Variants in UGT1A5 observed in about 807,000 individuals in gnomAD.
UGT1A5 encodes the protein UDP glucuronosyltransferase family 1 member A5.
Under a neutral mutation model 40.3 loss-of-function variants are expected in UGT1A5, and 29 were observed. The observed-to-expected ratio is 0.72, with a 90% CI of 0.54 to 0.98. The LOEUF (loss-of-function observed/expected upper bound fraction) is 0.98. UGT1A5 is among the 50% of genes least tolerant of loss of function. The pLI, the probability that UGT1A5 is intolerant of heterozygous loss-of-function variation, is 0.00. For synonymous variants in UGT1A5, 257 were observed against 262.5 expected (o/e 0.98, Z 0.20); for missense variants, 678 against 677.9 (o/e 1.00, Z 0.00).
intron 1 of UGT1A5, among the ~76,000 whole-genome samples, chr2:233,724,143 G>C: frequency 8.2e-6 from 1 of 122,326 alleles, no homozygotes; most frequent in African/African-American, 3.7e-5. Flanking sequence ...GGACGGGGCG[G>C]CTGGCCGGGT....
rs1217808254 is a variant in UGT1A5 at position 233,763,370 on chromosome 2, A to G, written c.868-3664A>G. On this transcript the variant is annotated intron_variant, in intron 1 of 4. Coordinates refer to ENST00000373414, the MANE Select transcript of UGT1A5 (RefSeq NM_019078.2). ...ACATCTTTAGTACTCCTTTGTCTTC[A>G]AGCTTTCTTCCTTTTTAAACAACAT... is the stretch of plus-strand genomic sequence containing the variant. Among the ~76,000 whole-genome samples the G allele has an allele frequency of 3.3e-5, 5 of 152,290 alleles. No homozygotes were observed. The East Asian group carries it at 9.6e-4, about 29-fold the overall frequency.
intron 1 of UGT1A5, among the ~76,000 whole-genome samples, chr2:233,742,109 C>T (rs544656761): frequency 8.6e-5 from 13 of 151,972 alleles, no homozygotes; most frequent in Admixed American, 7.8e-4. Context: ...ACTGCCAAGA[C>T]CAGCTTGGTC....
intron 1 of UGT1A5, among the ~76,000 whole-genome samples, chr2:233,757,380 C>T (rs980413878): frequency 1.3e-5 from 2 of 151,206 alleles, no homozygotes; most frequent in African/African-American, 4.9e-5. Context: ...CCAGATTCAG[C>T]ACTTACTTGC....
At chr2:233,760,002 C>T (rs1697301368) in intron 1 of UGT1A5, among the ~76,000 whole-genome samples, 1 of 152,194 alleles carries the variant, frequency 6.6e-6, no homozygotes, top group Admixed American at 6.5e-5. Flanking sequence ...TGTGGAAATA[C>T]TAATTTAATG....
intron 4 of UGT1A5, among the ~76,000 whole-genome samples, chr2:233,768,709 T>G (rs1699703660): frequency 6.6e-6 from 1 of 151,010 alleles, no homozygotes; most frequent in African/African-American, 2.4e-5. Context: ...TCAGCCTCCG[T>G]GTAGCTGGGA....
chr2:233,755,963 C>T (rs557149138), intron 1 of UGT1A5: 1 of 152,200 alleles, frequency 6.6e-6, no homozygotes, highest in South Asian at 2.1e-4. Flanking sequence ...GTACTTGGCT[C>T]TATAGAGAGG....
chr2:233,749,977 G>A (rs2221198), intron 1 of UGT1A5, among the ~76,000 whole-genome samples: 68,794 of 151,608 alleles, frequency 0.45, 16,248 homozygotes, highest in South Asian at 0.58. Flanking sequence ...ATAGCAGTGT[G>A]AGAATGGACT....
At chr2:233,747,247 C>T in intron 1 of UGT1A5, 1 of 1,601,894 alleles carries the variant, frequency 6.2e-7, no homozygotes, top group Non-Finnish European at 8.5e-7. Context: ...CCTGCTGTGG[C>T]TGGCCACAGG....
rs34946247 is a variant in UGT1A5 at position 233,761,682 on chromosome 2, A to G, written c.868-5352A>G. Among the ~76,000 whole-genome samples, 259 of 152,380 alleles carry G rather than the reference A, an allele frequency of 1.7e-3. 1 individual carries two copies. The highest frequency in any genetic ancestry group is 5.9e-3 in the African/African-American group (244 of 41,588). On this transcript the variant is annotated intron_variant, in intron 1 of 4. Coordinates refer to ENST00000373414, the MANE Select transcript of UGT1A5 (RefSeq NM_019078.2). Reference sequence around the variant, plus strand: ...AATCACCAGACAGTCAGGTTCTGACATGATACAGAAAGGTTGTAGGTTTCA... The same window carrying G: ...AATCACCAGACAGTCAGGTTCTGACGTGATACAGAAAGGTTGTAGGTTTCA...
At chr2:233,733,213 G>T (rs974647269) in intron 1 of UGT1A5, among the ~76,000 whole-genome samples, 1 of 152,158 alleles carries the variant, frequency 6.6e-6, no homozygotes, top group African/African-American at 2.4e-5. Flanking sequence ...TTTGGGCTGA[G>T]ACAATGGGGT....
intron 1 of UGT1A5, among the ~76,000 whole-genome samples, chr2:233,722,626 G>T (rs1272001840): frequency 1.3e-5 from 2 of 152,128 alleles, no homozygotes; most frequent in African/African-American, 4.8e-5. Context: ...TCTTAATGAA[G>T]CATTGAGGGC....
At chr2:233,766,428 A>G (rs1336103880) in intron 1 of UGT1A5, among the ~76,000 whole-genome samples, 1 of 152,116 alleles carries the variant, frequency 6.6e-6, no homozygotes, top group African/African-American at 2.4e-5. Context: ...CCCGATGTCC[A>G]GCTACCTGTG....
At chr2:233,743,092 C>A (rs1287220574) in intron 1 of UGT1A5, 2 of 346,770 alleles carry the variant, frequency 5.8e-6, no homozygotes, top group African/African-American at 2.2e-5. Flanking sequence ...TTTATAAATT[C>A]TTGGGTACAG....
chr2:233,718,833 C>T, intron 1 of UGT1A5: 2 of 1,613,592 alleles, frequency 1.2e-6, no homozygotes, highest in Non-Finnish European at 8.5e-7. Context: ...GGCCAGAGGA[C>T]TCCAGGTTCC....
At position 233,769,954 on chromosome 2, in the gene UGT1A5, T is replaced by G. The variant is rs1348335811; in HGVS notation, c.1307+1515T>G. 3 of 220,032 alleles carry G rather than the reference T, an allele frequency of 1.4e-5. No individual in the cohort carries two copies. The highest frequency in any genetic ancestry group is 2.3e-5 in the African/African-American group (1 of 44,160). The allele number at this position is 220,032 out of a possible 1,614,324, so 13.6% of individuals were successfully genotyped here. Reference sequence around the variant, plus strand: ...CCCATTCCTTCCTTCCAGCGGCTTCTTCTGGCCACCTCAATGTCAGGATGT... The same window carrying G: ...CCCATTCCTTCCTTCCAGCGGCTTCGTCTGGCCACCTCAATGTCAGGATGT... On this transcript the variant is annotated intron_variant, in intron 4 of 4. Coordinates refer to ENST00000373414, the MANE Select transcript of UGT1A5 (RefSeq NM_019078.2). This position sits in a 1 kb window ranked among gnomAD's most constrained non-coding sequence, Gnocchi z 4.4.
chr2:233,767,045 C>G lies in UGT1A5; in HGVS notation c.879C>G (p.Ala293=), dbSNP rs900263261. 1.9e-6 allele frequency: 3 copies of G among 1,614,006 alleles called. No homozygotes were observed. The African/African-American group carries it at 4.0e-5, about 22-fold the overall frequency. The change falls in exon 2 of 5, where the codon GCC becomes GCG. Residue 293 remains alanine, a synonymous_variant. Coordinates refer to ENST00000373414, the MANE Select transcript of UGT1A5 (RefSeq NM_019078.2). ...NGKPLSQEFE[A]YINASGEHGI... is the part of the protein sequence containing the mutation. ...TCTTCTGGCTCTAGGAATTTGAAGC[C>G]TACATTAATGCTTCTGGAGAACATG...
In UGT1A5 at chr2:233,768,256, G is replaced by A; in HGVS notation, c.1124G>A (p.Gly375Asp). Residue 375 changes from glycine (G) to aspartate (D), a missense_variant, in exon 4 of 5, where the codon GGT (glycine) becomes GAT (aspartate). Coordinates refer to ENST00000373414, the MANE Select transcript of UGT1A5 (RefSeq NM_019078.2). ...ACCCGTGCCTTTATCACCCATGCTGGTTCCCATGGTGTTTATGAAAGCATA... is the reference window on the plus strand; with the variant it reads ...ACCCGTGCCTTTATCACCCATGCTGATTCCCATGGTGTTTATGAAAGCATA... ...PMTRAFITHA[G>D]SHGVYESICN... 5 of 1,614,130 alleles carry A rather than the reference G, an allele frequency of 3.1e-6. No individual in the cohort carries two copies. The highest frequency in any genetic ancestry group is 4.2e-6 in the Non-Finnish European group (5 of 1,180,030).
rs756759474 is a variant in UGT1A5, at chr2:233,755,078, G to A, written c.868-11956G>A. ...CCCTCGCCTCGCCATAGCGGTCATA[G>A]ATATCGCGTTTCTACGCGTCCGACA... is the stretch of plus-strand genomic sequence containing the variant. On this transcript the variant is annotated intron_variant, in intron 1 of 4. Coordinates refer to ENST00000373414, the MANE Select transcript of UGT1A5 (RefSeq NM_019078.2). 9 of 1,336,426 alleles carry A rather than the reference G, an allele frequency of 6.7e-6. No individual in the cohort carries two copies. The Admixed American group carries it at 1.1e-4, about 17-fold the overall frequency. 82.8% of individuals were successfully genotyped at this position (1,336,426 alleles called of 1,614,324 possible).
intron 1 of UGT1A5, among the ~76,000 whole-genome samples, chr2:233,765,711 TTAATAA>T (rs10664358): frequency 2.7e-5 from 4 of 149,240 alleles, no homozygotes; most frequent in African/African-American, 7.4e-5. Context: ...ATAATAATAA[TTAATAA>T]TAATAATAAT....
Sources: gnomAD v4.1 joint callset for allele counts (sites outside exome capture counted in the v4.1 genomes callset) on GRCh38, gnomAD v4.1.1 for gene constraint, Gnocchi (gnomAD v3.1) non-coding constraint, MANE v1.5 for transcripts, NCBI Gene and HGNC (gene_info 2026-07-23, HGNC 2026-07-21) for gene names.